DSCAML1: variants seen among roughly 807,000 people sequenced by gnomAD.
The protein encoded by DSCAML1 is DS cell adhesion molecule like 1, also known as cell adhesion molecule DSCAML1.
DSCAML1 carries 38 observed loss-of-function variants against 200.5 expected under a neutral mutation model. The observed-to-expected ratio is 0.19, with a 90% CI of 0.15 to 0.25. The LOEUF (loss-of-function observed/expected upper bound fraction) is 0.25. Among genes scored for constraint, DSCAML1 ranks in the 10% least tolerant of loss-of-function variants. The probability of loss-of-function intolerance (pLI) is 1.00; values close to 1 mark genes in which losing one functional copy is unlikely to be tolerated. For synonymous variants in DSCAML1, 1,215 were observed against 1,165.0 expected, an observed-to-expected ratio of 1.04 and a Z score of -0.87; for missense variants, 2,223 against 2,858.8, an observed-to-expected ratio of 0.78 and a Z score of 5.07.
chr11:117,801,281 C>T (rs1429709809), upstream of DSCAML1: 1 of 152,174 alleles, frequency 6.6e-6, no homozygotes, highest in Non-Finnish European at 1.5e-5. Context: ...GTTTCTTCAC[C>T]ATTGAGGTGA....
At chr11:117,433,312 G>A in intron 28 of DSCAML1, 56 bp from the exon 29 acceptor site, 2 of 1,573,112 alleles carry the variant, frequency 1.3e-6, no homozygotes, top group Non-Finnish European at 1.7e-6. Context: ...GTTGGGGAAG[G>A]GGGCTCTGCA....
chr11:117,749,649 C>A (rs960243823), intron 3 of DSCAML1, among the ~76,000 whole-genome samples: 2 of 152,250 alleles, frequency 1.3e-5, no homozygotes, highest in African/African-American at 2.4e-5. Flanking sequence ...TGCTGAGGCC[C>A]AGAACACAGA....
At position 117,518,327 on chromosome 11, in the gene DSCAML1, C is replaced by T. The variant is rs1023274506; in HGVS notation, c.1510+139G>A. 3.4e-5 allele frequency: 40 copies of T among 1,180,450 alleles called. No homozygotes were observed. In the Middle Eastern group the frequency reaches 1.4e-3, roughly 40 times the overall value. 73.1% of individuals were successfully genotyped at this position (1,180,450 alleles called of 1,614,324 possible). A position where few individuals can be genotyped will look rare whatever the true frequency, so the allele number is the denominator to read the frequency against. On this transcript the variant is annotated intron_variant, in intron 7 of 32. Coordinates refer to ENST00000651296, the MANE Select transcript of DSCAML1 (RefSeq NM_020693.4). This position sits in a 1 kb window ranked among gnomAD's most constrained non-coding sequence, Gnocchi z 6.3. ...GCTTGAGGAGGGCAGGAAAAGGGGA[C>T]GAGAGAGGGGAGAGAGACCTCTACT...
In DSCAML1 at chr11:117,530,847, CATGAGT is replaced by C. The variant is rs2050065030; in HGVS notation, c.658+1523_658+1528del. Among the ~76,000 whole-genome samples, 4 of 152,160 alleles carry C rather than the reference CATGAGT, an allele frequency of 2.6e-5. No homozygotes were observed. In the South Asian group the frequency reaches 8.3e-4, roughly 32 times the overall value. ...GAGGCCTAGAGAGGCTGCGAGATTT[CATGAGT>C]CTAATCCCAAAAGCCGGGTGTTCTG... On this transcript the variant is annotated intron_variant, in intron 4 of 32. Transcript: ENST00000651296.
chr11:117,635,081 T>G (rs1280352298), intron 3 of DSCAML1, among the ~76,000 whole-genome samples: 1 of 152,216 alleles, frequency 6.6e-6, no homozygotes, highest in African/African-American at 2.4e-5. Flanking sequence ...TTTCGGGGGC[T>G]GATTAAAGAT....
intron 3 of DSCAML1, among the ~76,000 whole-genome samples, chr11:117,719,458 GGAAA>G (rs2054009023): frequency 6.6e-6 from 1 of 152,122 alleles, no homozygotes; most frequent in Non-Finnish European, 1.5e-5. Context: ...AGGAAAGGAA[GGAAA>G]GAAAGCAAGC....
intron 3 of DSCAML1, among the ~76,000 whole-genome samples, chr11:117,679,086 T>G (rs1010938873): frequency 3.3e-5 from 5 of 152,206 alleles, no homozygotes; most frequent in Non-Finnish European, 7.4e-5. Flanking sequence ...CAGGTCGGCC[T>G]GGGCCAGAGC....
Position 117,504,148 on chromosome 11 carries a change from C to T in DSCAML1, c.2183-127G>A. 2 of 1,145,536 alleles carry T rather than the reference C, an allele frequency of 1.7e-6. No individual in the cohort carries two copies. Among genetic ancestry groups the T allele is most frequent in the Non-Finnish European group, 2.5e-6 (2 of 815,056 alleles). The allele number at this position is 1,145,536 out of a possible 1,614,324, so 71.0% of individuals were successfully genotyped here. A position where few individuals can be genotyped will look rare whatever the true frequency, so the allele number is the denominator to read the frequency against. The stretch of plus-strand genomic sequence containing the variant: ...CATTTTGTAGCAGAGCTGCACCATC[C>T]CCAAAGTGCTGAGGCCACATGGCTC... On this transcript the variant is annotated intron_variant, in intron 10 of 32. Transcript: ENST00000651296. The surrounding 1 kb of genome is among the most constrained non-coding windows in gnomAD (Gnocchi z 5.0).
intron 3 of DSCAML1, among the ~76,000 whole-genome samples, chr11:117,708,412 T>C (rs2053789328): frequency 1.3e-5 from 2 of 152,250 alleles, no homozygotes; most frequent in Admixed American, 6.5e-5. Context: ...AAAGTCTTCC[T>C]GGTCTTCCCA....
At chr11:117,447,461 T>C (rs536029717) in intron 20 of DSCAML1, among the ~76,000 whole-genome samples, 38 of 152,362 alleles carry the variant, frequency 2.5e-4, no homozygotes, top group African/African-American at 8.9e-4. Flanking sequence ...GAAGACTATA[T>C]ACCAGTGTTT....
chr11:117,432,891 A>G (rs2047831632), intron 29 of DSCAML1, among the ~76,000 whole-genome samples: 1 of 152,044 alleles, frequency 6.6e-6, no homozygotes. Flanking sequence ...GATAACAGGC[A>G]TGACCCACCA....
chr11:117,435,195 C>A (rs2047888364), intron 27 of DSCAML1, among the ~76,000 whole-genome samples: 1 of 152,212 alleles, frequency 6.6e-6, no homozygotes, highest in Non-Finnish European at 1.5e-5. Context: ...TATTTAACAC[C>A]TGACATGGTG....
intron 1 of DSCAML1, 112 bp downstream of exon 1, chr11:117,796,922 C>G (rs1458456015): frequency 2.6e-6 from 2 of 764,854 alleles, no homozygotes. Flanking sequence ...GGGCCTTGCA[C>G]CCCGGTCGGT....
In DSCAML1 at chr11:117,439,276, A is replaced by C. The variant is rs1187174587; in HGVS notation, c.4134T>G (p.Leu1378=). Residue 1378 remains leucine, a synonymous_variant, in exon 23 of 33, where the codon CTT becomes CTG. Coordinates refer to ENST00000651296, the MANE Select transcript of DSCAML1 (RefSeq NM_020693.4). ...TGGFDTIIVN[L]LVQVPPDQPR... ...CTCACAGAGCCTCACCTTGCACCAG[A>C]AGGTTGACGATGATGGTGTCAAAGC... The C allele has an allele frequency of 2.5e-6, 4 of 1,613,818 alleles. No homozygotes were observed. Among genetic ancestry groups the C allele is most frequent in the African/African-American group, 1.3e-5 (1 of 74,898 alleles).
chr11:117,545,153 C>G lies in DSCAML1; in HGVS notation c.512-12631G>C, dbSNP rs113295768. ...GCCGAGGCAGGAGAATTGCTTGAAC[C>G]CAGGAGGTGGAGGTTGTGGTGAGCT... On this transcript the variant is annotated intron_variant, in intron 3 of 32. Transcript: ENST00000651296. Among the ~76,000 whole-genome samples the G allele has an allele frequency of 1.2e-3, 187 of 152,068 alleles. 3 individuals carry two copies. Among genetic ancestry groups the G allele is most frequent in the African/African-American group, 4.2e-3 (176 of 41,470 alleles).
rs1297522169 is a variant in DSCAML1 at position 117,780,440 on chromosome 11, G to A, written c.364+53C>T. On this transcript the variant is annotated intron_variant, in intron 2 of 32. Coordinates refer to ENST00000651296, the MANE Select transcript of DSCAML1 (RefSeq NM_020693.4). The surrounding 1 kb of genome is among the most constrained non-coding windows in gnomAD (Gnocchi z 4.8). ...AAGCCCCTCCGAATATCCTCAGAAT[G>A]ACGGCGCAGCCTCCTCCTGTGCCAC... 22 of 1,373,350 alleles carry A rather than the reference G, an allele frequency of 1.6e-5. No homozygotes were observed. Among genetic ancestry groups the A allele is most frequent in the Non-Finnish European group, 2.1e-5 (22 of 1,051,518 alleles). The allele number at this position is 1,373,350 out of a possible 1,614,324, so 85.1% of individuals were successfully genotyped here.
Position 117,450,729 on chromosome 11 carries a change from A to G in DSCAML1, c.3569-41T>C, listed in dbSNP as rs769697756. The stretch of plus-strand genomic sequence containing the variant: ...GCCTGGTCAGTTGAGAGAAAGCAGG[A>G]GCACAGCCTTTGGGGAAAATGACAG... On this transcript the variant is annotated intron_variant, in intron 19 of 32. Coordinates refer to ENST00000651296, the MANE Select transcript of DSCAML1 (RefSeq NM_020693.4). The G allele has an allele frequency of 5.6e-6, 9 of 1,598,762 alleles. No homozygotes were observed. The South Asian group carries it at 1.0e-4, about 18-fold the overall frequency.
chr11:117,473,169 A>G (rs2048719272), intron 14 of DSCAML1, among the ~76,000 whole-genome samples: 1 of 151,886 alleles, frequency 6.6e-6, no homozygotes, highest in Admixed American at 6.6e-5. Context: ...AGCACATTCT[A>G]GAAAGACTAA....
intron 3 of DSCAML1, among the ~76,000 whole-genome samples, chr11:117,695,315 C>CTTTTTTTTTTTTTTTTTTTTTTT (rs753748981): frequency 1.6e-4 from 19 of 116,698 alleles, no homozygotes; most frequent in African/African-American, 4.5e-4. Flanking sequence ...CTTTCTTTTT[C>CTTTTTTTTTTTTTTTTTTTTTTT]TTTTTTTTTT....
Sources: gnomAD v4.1 joint callset for allele counts (sites outside exome capture counted in the v4.1 genomes callset) on GRCh38, gnomAD v4.1.1 for gene constraint, Gnocchi (gnomAD v3.1) non-coding constraint, MANE v1.5 for transcripts, NCBI Gene and HGNC (gene_info 2026-07-23, HGNC 2026-07-21) for gene names.